PTPRD: variants seen among roughly 807,000 people sequenced by gnomAD.
PTPRD encodes protein tyrosine phosphatase receptor type D, also known as receptor-type tyrosine-protein phosphatase delta.
Under a neutral mutation model 214.5 loss-of-function variants are expected in PTPRD, and 34 were observed. The observed-to-expected ratio is 0.16, with a 90% CI of 0.12 to 0.21. PTPRD has a LOEUF of 0.21. Among genes scored for constraint, PTPRD ranks in the 10% least tolerant of loss-of-function variants. The pLI is 1.00. For missense variants in PTPRD, 2,545 were observed against 2,398.7 expected (o/e 1.06, Z -1.27); for synonymous variants, 1,128 against 845.7 (o/e 1.33, Z -5.79).
intron 35 of PTPRD, among the ~76,000 whole-genome samples, chr9:8,415,200 G>A (rs2093842855): frequency 6.6e-6 from 1 of 152,140 alleles, no homozygotes; most frequent in Admixed American, 6.5e-5. Flanking sequence ...CTGCACACAA[G>A]AGAGAAAAAG....
At chr9:9,434,527 G>A (rs10116903) in intron 8 of PTPRD, among the ~76,000 whole-genome samples, 19,584 of 152,114 alleles carry the variant, frequency 0.13, 1,520 homozygotes, top group African/African-American at 0.21. Flanking sequence ...ATAAGGTTCT[G>A]AAGTTTATAT....
chr9:8,548,205 T>A (rs528379249), intron 14 of PTPRD, among the ~76,000 whole-genome samples: 1 of 152,232 alleles, frequency 6.6e-6, no homozygotes, highest in South Asian at 2.1e-4. Context: ...GGATTCAAGG[T>A]GAAATGCGGT....
At chr9:9,252,782 T>C (rs1213265672) in intron 9 of PTPRD, among the ~76,000 whole-genome samples, 2 of 152,102 alleles carry the variant, frequency 1.3e-5, no homozygotes, top group Non-Finnish European at 2.9e-5. Context: ...GGGTTATTCA[T>C]TGCTGGGTAC....
intron 35 of PTPRD, among the ~76,000 whole-genome samples, chr9:8,417,784 AAT>A (rs950234924): frequency 2.0e-5 from 3 of 152,160 alleles, no homozygotes; most frequent in African/African-American, 7.2e-5. Flanking sequence ...GTAGACATTA[AAT>A]AAAATACAAC....
intron 3 of PTPRD, among the ~76,000 whole-genome samples, chr9:10,212,861 T>G (rs943534789): frequency 6.6e-5 from 10 of 152,178 alleles, no homozygotes; most frequent in African/African-American, 2.2e-4. Context: ...CTTGAGTGAT[T>G]GCACGTCTGA....
At position 8,697,417 on chromosome 9, in the gene PTPRD, CTTTTTTTT is replaced by C. The variant is rs752677458; in HGVS notation, c.64+36355_64+36362del. 1.4e-4 allele frequency among the ~76,000 whole-genome samples: 9 copies of C among 63,244 alleles called. 1 individual carries two copies. The highest frequency in any genetic ancestry group is 4.7e-4 in the African/African-American group (7 of 14,874). The allele number at this position is 63,244 out of a possible 152,430, so 41.5% of individuals were successfully genotyped here. A position where few individuals can be genotyped will look rare whatever the true frequency, so the allele number is the denominator to read the frequency against. On this transcript the variant is annotated intron_variant, in intron 12 of 45. Coordinates refer to ENST00000381196, the MANE Select transcript of PTPRD (RefSeq NM_002839.4). ...TTTATTATTTATTTATTTTTATGTA[CTTTTTTTT>C]TTTTTTTTTTTTTTTGAGACAGAAT...
At chr9:10,152,878 C>G (rs2099070519) in intron 3 of PTPRD, among the ~76,000 whole-genome samples, 3 of 151,920 alleles carry the variant, frequency 2.0e-5, no homozygotes, top group Admixed American at 2.0e-4. Context: ...ATGGATGAAG[C>G]TGGAGAACAT....
At chr9:9,562,834 T>C (rs1039382790) in intron 8 of PTPRD, among the ~76,000 whole-genome samples, 3 of 152,194 alleles carry the variant, frequency 2.0e-5, no homozygotes, top group African/African-American at 7.2e-5. Context: ...TGTTATTTTC[T>C]GTAAAATACA....
At chr9:10,221,683 G>A (rs182144463) in intron 3 of PTPRD, among the ~76,000 whole-genome samples, 83 of 151,996 alleles carry the variant, frequency 5.5e-4, no homozygotes, top group African/African-American at 1.9e-3. Flanking sequence ...TTTTTAAGAA[G>A]CATTAAGTAC....
At chr9:9,048,917 T>G (rs368042465) in intron 10 of PTPRD, among the ~76,000 whole-genome samples, 1 of 152,214 alleles carries the variant, frequency 6.6e-6, no homozygotes, top group African/African-American at 2.4e-5. Flanking sequence ...AAACATCTCA[T>G]GTACCCCATA....
intron 3 of PTPRD, among the ~76,000 whole-genome samples, chr9:10,103,484 G>T (rs986675339): frequency 1.3e-5 from 2 of 149,566 alleles, no homozygotes; most frequent in East Asian, 2.0e-4. Context: ...AGTCACAAAA[G>T]CTCACCCCAA....
intron 39 of PTPRD, among the ~76,000 whole-genome samples, chr9:8,372,355 C>G (rs1030103611): frequency 6.6e-6 from 1 of 151,998 alleles, no homozygotes; most frequent in African/African-American, 2.4e-5. Context: ...TTTAAAATTA[C>G]TGCATACTTC....
chr9:9,849,323 AAAAT>A (rs2060117629), intron 5 of PTPRD, among the ~76,000 whole-genome samples: 1 of 152,064 alleles, frequency 6.6e-6, no homozygotes, highest in Admixed American at 6.6e-5. Context: ...TAGTAAAAGA[AAAAT>A]AAAGCAATTA....
At chr9:9,081,820 C>T (rs2099759516) in intron 10 of PTPRD, among the ~76,000 whole-genome samples, 1 of 149,132 alleles carries the variant, frequency 6.7e-6, no homozygotes, top group African/African-American at 2.5e-5. Context: ...ATTGCAACTC[C>T]TGCTTTTTTT....
chr9:9,003,421 G>T (rs1736636351), intron 11 of PTPRD, among the ~76,000 whole-genome samples: 1 of 151,992 alleles, frequency 6.6e-6, no homozygotes, highest in South Asian at 2.1e-4. Context: ...ATGCCTACTT[G>T]TGTTCTACCC....
At chr9:10,285,533 G>A (rs1596159757) in intron 3 of PTPRD, among the ~76,000 whole-genome samples, 1 of 151,584 alleles carries the variant, frequency 6.6e-6, no homozygotes, top group Non-Finnish European at 1.5e-5. Flanking sequence ...AGGCTGCTTG[G>A]GTTGAACCCC....
chr9:8,816,570 A>G (rs545482047), intron 11 of PTPRD, among the ~76,000 whole-genome samples: 2 of 152,294 alleles, frequency 1.3e-5, no homozygotes, highest in East Asian at 1.9e-4. Context: ...AACCAAACCA[A>G]TCAAGCTTCT....
intron 3 of PTPRD, among the ~76,000 whole-genome samples, chr9:10,171,986 CA>C (rs1370957041): frequency 6.6e-6 from 1 of 152,128 alleles, no homozygotes; most frequent in Non-Finnish European, 1.5e-5. Context: ...TTCAAGGAGC[CA>C]AATGATACCA....
At chr9:8,765,970 G>A (rs746385313) in intron 11 of PTPRD, among the ~76,000 whole-genome samples, 1 of 151,864 alleles carries the variant, frequency 6.6e-6, no homozygotes, top group Non-Finnish European at 1.5e-5. Flanking sequence ...GTACTCTAAA[G>A]CTATAAACAG....
Sources: allele counts gnomAD v4.1 joint callset (sites outside exome capture counted in the v4.1 genomes callset), GRCh38; gene constraint gnomAD v4.1.1; transcripts MANE v1.5; gene names NCBI Gene and HGNC (gene_info 2026-07-23, HGNC 2026-07-21).